The following IQGAP3 variants were observed in gnomAD, a reference collection of about 807,000 sequenced individuals.
IQGAP3 encodes the protein IQ motif containing GTPase activating protein 3.
IQGAP3 carries 165 observed loss-of-function variants against 208.2 expected under a neutral mutation model. The observed-to-expected ratio is 0.79, with a 90% CI of 0.70 to 0.90. The LOEUF (loss-of-function observed/expected upper bound fraction) is 0.90, where lower values mean the gene tolerates loss of function less well. IQGAP3 is among the 40% of genes least tolerant of loss of function. The probability of loss-of-function intolerance (pLI) is 0.00; values close to 1 mark genes in which losing one functional copy is unlikely to be tolerated. For missense variants in IQGAP3, 1,811 were observed against 2,043.1 expected, an observed-to-expected ratio of 0.89 and a Z score of 2.19; for synonymous variants, 703 against 803.6, an observed-to-expected ratio of 0.87 and a Z score of 2.12.
intron 2 of IQGAP3, among the ~76,000 whole-genome samples, chr1:156,566,952 C>A (rs185742969): frequency 9.9e-5 from 15 of 151,738 alleles, no homozygotes; most frequent in African/African-American, 3.6e-4. Context: ...CTGCAACCTC[C>A]GCCTCCCAGG....
In IQGAP3 at chr1:156,562,588, G is replaced by A. The variant is rs143251488; in HGVS notation, c.876C>T (p.Asn292=). 46 of 1,613,450 alleles carry A rather than the reference G, an allele frequency of 2.9e-5. No homozygotes were observed. Among genetic ancestry groups the A allele is most frequent in the Middle Eastern group, 1.6e-4 (1 of 6,062 alleles). The change falls in exon 9 of 38, where the codon AAC becomes AAT. Residue 292 remains asparagine, a splice_region_variant and synonymous_variant. Transcript: ENST00000361170. The part of the protein sequence containing the change: ...AEIQGNINHV[N]VHGALEVVDD... ...CCACTCCTGCTCGAGGTCTCTTACC[G>A]TTGACATGGTTGATATTGCCCTGGA...
chr1:156,554,972 G>A (rs1178945737), intron 12 of IQGAP3, among the ~76,000 whole-genome samples: 10 of 152,230 alleles, frequency 6.6e-5, no homozygotes, highest in Admixed American at 1.3e-4. Flanking sequence ...CAGGAGGATC[G>A]CTTAAACCCA....
rs765579722 is a variant in IQGAP3 at position 156,530,240 on chromosome 1, G to C, written c.4269C>G (p.Arg1423=). Residue 1423 remains arginine, a synonymous_variant, in exon 34 of 38, where the codon CGC becomes CGG. Coordinates refer to ENST00000361170, the MANE Select transcript of IQGAP3 (RefSeq NM_178229.5). ...GCAGGAGGGAGTGAGCTGTCAGTGA[G>C]CGGTGTCGTCGCAGTGGCTCCGGTG... ...AQTPEPLRRH[R]SLTAHSLLPL... is the part of the protein sequence containing the mutation. 1 of 1,613,128 alleles carries C rather than the reference G, an allele frequency of 6.2e-7. No individual in the cohort carries two copies. The highest frequency in any genetic ancestry group is 1.3e-5 in the African/African-American group (1 of 75,042).
chr1:156,550,174 C>T (rs370318648), intron 16 of IQGAP3, 87 bp downstream of exon 16: 6 of 893,218 alleles, frequency 6.7e-6, no homozygotes, highest in South Asian at 2.9e-5. Flanking sequence ...AGGGTGGTGA[C>T]CAGGGAGGCT....
intron 13 of IQGAP3, among the ~76,000 whole-genome samples, chr1:156,553,289 G>A (rs1184405810): frequency 2.0e-5 from 3 of 152,090 alleles, no homozygotes; most frequent in Non-Finnish European, 4.4e-5. Context: ...GTCTGGCCTC[G>A]GCTACTTGGT....
At position 156,561,924 on chromosome 1, in the gene IQGAP3, G is replaced by C; in HGVS notation, c.955C>G (p.Pro319Ala). The C allele has an allele frequency of 6.2e-7, 1 of 1,613,998 alleles. No homozygotes were observed. The highest frequency in any genetic ancestry group is 1.1e-5 in the South Asian group (1 of 91,074). The stretch of plus-strand genomic sequence containing the variant: ...CTCACCCCTCGCAGGGCCAGGGCAG[G>C]GTCTTGAAGGGCCTTGAGCAAGGCT... ...PEALLKALQD[P>A]ALALRGVRRD... is the part of the protein sequence containing the mutation. Residue 319 changes from proline (P) to alanine (A), a missense_variant, in exon 10 of 38, where the codon CCT becomes GCT. Coordinates refer to ENST00000361170, the MANE Select transcript of IQGAP3 (RefSeq NM_178229.5).
rs1676313858 is a variant in IQGAP3, at chr1:156,564,562, G to A, written c.437+53C>T. On this transcript the variant is annotated intron_variant, in intron 5 of 37. Transcript: ENST00000361170. Reference sequence around the variant, plus strand: ...CTTGCTGAGTTTGTTGTTGTTGATTGTTGGTCGCATCCACCTAGAGGAACC... The same window carrying A: ...CTTGCTGAGTTTGTTGTTGTTGATTATTGGTCGCATCCACCTAGAGGAACC... 2.6e-5 allele frequency: 30 copies of A among 1,152,370 alleles called. No individual in the cohort carries two copies. In the South Asian group the frequency reaches 3.7e-4, roughly 14 times the overall value. 71.4% of individuals were successfully genotyped at this position (1,152,370 alleles called of 1,614,324 possible). A position where few individuals can be genotyped will look rare whatever the true frequency, so the allele number is the denominator to read the frequency against.
chr1:156,537,062 T>C, intron 27 of IQGAP3, 119 bp downstream of exon 27: 1 of 1,103,306 alleles, frequency 9.1e-7, no homozygotes, highest in Admixed American at 2.4e-5. Flanking sequence ...TGAGTACCCC[T>C]GGCTCCATCT....
At chr1:156,527,679 G>A (rs1237744521) in intron 37 of IQGAP3, among the ~76,000 whole-genome samples, 1 of 152,188 alleles carries the variant, frequency 6.6e-6, no homozygotes, top group South Asian at 2.1e-4. Context: ...CCTGACATGT[G>A]ATAGGGCTTC....
At chr1:156,552,561 C>T (rs779728130) in intron 13 of IQGAP3, among the ~76,000 whole-genome samples, 24 of 152,342 alleles carry the variant, frequency 1.6e-4, no homozygotes, top group Admixed American at 2.0e-4. Flanking sequence ...ATTCTGTTCT[C>T]TCTTCTACCC....
At chr1:156,562,271 C>T (rs977661859) in intron 9 of IQGAP3, among the ~76,000 whole-genome samples, 1 of 151,988 alleles carries the variant, frequency 6.6e-6, no homozygotes, top group East Asian at 1.9e-4. Flanking sequence ...CTACCCAGAT[C>T]CCCCCATCCT....
chr1:156,537,384 C>T, intron 26 of IQGAP3, 63 bp from the exon 27 acceptor site: 1 of 1,495,386 alleles, frequency 6.7e-7, no homozygotes, highest in Non-Finnish European at 9.0e-7. Flanking sequence ...TTCCCCAAGG[C>T]CCTATTCCTT....
chr1:156,540,610 C>T (rs1029150410), intron 23 of IQGAP3, 98 bp downstream of exon 23: 10 of 1,125,294 alleles, frequency 8.9e-6, no homozygotes, highest in East Asian at 2.5e-5. Flanking sequence ...AAATCCACAA[C>T]ATTTTGAAAA....
At position 156,569,410 on chromosome 1, in the gene IQGAP3, A is replaced by T; in HGVS notation, c.91T>A (p.Tyr31Asn). The T allele has an allele frequency of 6.2e-7, 1 of 1,613,162 alleles. No individual in the cohort carries two copies. Among genetic ancestry groups the T allele is most frequent in the Non-Finnish European group, 8.5e-7 (1 of 1,179,616 alleles). Residue 31 changes from tyrosine to asparagine, a missense_variant, in exon 2 of 38, where the codon TAT (tyrosine) becomes AAT (asparagine). Transcript: ENST00000361170. Reference protein sequence around the residue: ...MDEQRRQNVAYQYLCRLEEAK... With the variant: ...MDEQRRQNVANQYLCRLEEAK... Reference sequence around the variant, plus strand: ...TCCTCCAGCCGGCACAGGTACTGATAGGCAACATTCTGCCGCCTCTGCTCA... The same window carrying T: ...TCCTCCAGCCGGCACAGGTACTGATTGGCAACATTCTGCCGCCTCTGCTCA...
chr1:156,527,257 G>A (rs1164224103), intron 37 of IQGAP3, among the ~76,000 whole-genome samples: 7 of 151,028 alleles, frequency 4.6e-5, no homozygotes, highest in Non-Finnish European at 8.9e-5. Context: ...TGAGGCGGGC[G>A]GATCACAAGG....
chr1:156,531,806 T>C (rs987042722), intron 32 of IQGAP3, among the ~76,000 whole-genome samples: 8 of 151,790 alleles, frequency 5.3e-5, no homozygotes, highest in African/African-American at 1.5e-4. Context: ...GGTTTCACCA[T>C]GTTGGCCAGG....
At chr1:156,544,507 C>G (rs1401458439) in intron 19 of IQGAP3, 35 bp from the exon 20 acceptor site, 2 of 1,568,992 alleles carry the variant, frequency 1.3e-6, no homozygotes, top group South Asian at 2.2e-5. Flanking sequence ...GTAACTCAAG[C>G]AGGTCTCCTT....
At position 156,528,446 on chromosome 1, in the gene IQGAP3, G is replaced by A. The variant is rs1674214581; in HGVS notation, c.4673+63C>T. ...TCTCTTCCACCCGGTGCCCAGCCCA[G>A]AGCTCCACCCCCAGGTTAGAGGACA... On this transcript the variant is annotated intron_variant, in intron 36 of 37. Transcript: ENST00000361170. 6 of 1,247,074 alleles carry A rather than the reference G, an allele frequency of 4.8e-6. No individual in the cohort carries two copies. The South Asian group carries it at 7.4e-5, about 15-fold the overall frequency. The allele number at this position is 1,247,074 out of a possible 1,614,324, so 77.3% of individuals were successfully genotyped here. A position where few individuals can be genotyped will look rare whatever the true frequency, so the allele number is the denominator to read the frequency against.
chr1:156,537,393 T>C, intron 26 of IQGAP3, 72 bp from the exon 27 acceptor site: 2 of 1,428,514 alleles, frequency 1.4e-6, no homozygotes, highest in African/African-American at 1.4e-5. Context: ...GCCCTATTCC[T>C]TAAACGCTTG....
Sources: gnomAD v4.1 joint callset for allele counts (sites outside exome capture counted in the v4.1 genomes callset) on GRCh38, gnomAD v4.1.1 for gene constraint, MANE v1.5 for transcripts, NCBI Gene and HGNC (gene_info 2026-07-23, HGNC 2026-07-21) for gene names.